HTR4: variants seen among roughly 807,000 people sequenced by gnomAD.
HTR4 encodes the protein 5-hydroxytryptamine (serotonin) receptor 4, G protein-coupled.
A neutral mutation model predicts 36.8 loss-of-function variants in HTR4; 16 were observed. That is an observed-to-expected ratio of 0.43 (90% confidence interval 0.29 to 0.66). The LOEUF (loss-of-function observed/expected upper bound fraction) is 0.66, where lower values mean the gene tolerates loss of function less well. HTR4 is among the 30% of genes least tolerant of loss of function. The pLI, the probability that HTR4 is intolerant of heterozygous loss-of-function variation, is 0.13. For missense variants in HTR4, 438 were observed against 490.9 expected (o/e 0.89, Z 1.02); for synonymous variants, 189 against 185.1 (o/e 1.02, Z -0.17).
intron 6 of HTR4, among the ~76,000 whole-genome samples, chr5:148,506,819 A>G (rs1339336266): frequency 1.3e-5 from 2 of 152,224 alleles, no homozygotes; most frequent in African/African-American, 4.8e-5. Flanking sequence ...CAAAACCACA[A>G]TGAGATACCA....
chr5:148,509,882 A>G lies in HTR4; in HGVS notation c.650T>C (p.Val217Ala). 3.1e-6 allele frequency: 5 copies of G among 1,614,058 alleles called. No homozygotes were observed. The highest frequency in any genetic ancestry group is 4.2e-6 in the Non-Finnish European group (5 of 1,180,000). Reference sequence around the variant, plus strand: ...CTGATGGGCATGCTCCTTAGCTGTGACATAGATGCGGTAATAGGCCAGCAC... The same window carrying G: ...CTGATGGGCATGCTCCTTAGCTGTGGCATAGATGCGGTAATAGGCCAGCAC... ...LMVLAYYRIY[V>A]TAKEHAHQIQ... is the part of the protein sequence containing the mutation. The change falls in exon 6 of 7, where the codon GTC becomes GCC. Residue 217 changes from valine (V) to alanine (A), a missense_variant. By Grantham distance (64) the Val-to-Ala change is moderately conservative. Transcript: ENST00000377888.
At chr5:148,526,252 A>G (rs542920127) in intron 4 of HTR4, among the ~76,000 whole-genome samples, 12 of 152,320 alleles carry the variant, frequency 7.9e-5, no homozygotes, top group African/African-American at 2.6e-4. Context: ...AAAGTATACC[A>G]CTTCACACAG....
downstream of HTR4, among the ~76,000 whole-genome samples, chr5:148,475,936 A>G (rs1755683506): frequency 6.6e-6 from 1 of 152,222 alleles, no homozygotes; most frequent in African/African-American, 2.4e-5. Context: ...TGTGTCACAC[A>G]TTCAGTAACT....
At chr5:148,463,173 T>TC (rs1554085208) in intron 5 of HTR4, among the ~76,000 whole-genome samples, 3 of 122,290 alleles carry the variant, frequency 2.5e-5, no homozygotes, top group Admixed American at 1.6e-4. Context: ...TTCTTTTTTT[T>TC]TTTTTTTTTT....
At chr5:148,521,769 C>G (rs1758032447) in intron 5 of HTR4, among the ~76,000 whole-genome samples, 1 of 152,044 alleles carries the variant, frequency 6.6e-6, no homozygotes, top group Non-Finnish European at 1.5e-5. Flanking sequence ...CCATTGAGAA[C>G]CAATGGATCT....
At position 148,624,408 on chromosome 5, in the gene HTR4, C is replaced by T. The variant is rs138123135; in HGVS notation, c.26+12581G>A. 1.7e-3 allele frequency among the ~76,000 whole-genome samples: 257 copies of T among 152,198 alleles called. 1 individual carries two copies. The highest frequency in any genetic ancestry group is 5.6e-3 in the African/African-American group (233 of 41,526). On this transcript the variant is annotated intron_variant, in intron 2 of 6. Coordinates refer to ENST00000377888, the MANE Select transcript of HTR4 (RefSeq NM_000870.7). ...CCCTTCATAGAGTGGTCATATGGAG[C>T]GCATGAGAAAATACTTGTGAAGAGT... is the stretch of plus-strand genomic sequence containing the variant.
chr5:148,625,417 A>G (rs1024317089), intron 2 of HTR4, among the ~76,000 whole-genome samples: 2 of 152,184 alleles, frequency 1.3e-5, no homozygotes, highest in Admixed American at 1.3e-4. Context: ...ATCAAATATG[A>G]TTTGTAGCTT....
At chr5:148,615,300 A>C (rs1752616783) in intron 2 of HTR4, among the ~76,000 whole-genome samples, 1 of 152,110 alleles carries the variant, frequency 6.6e-6, no homozygotes, top group Admixed American at 6.5e-5. Context: ...ACATTGATAG[A>C]CTGGATTAAG....
chr5:148,650,677 C>T (rs1754009021), intron 1 of HTR4, among the ~76,000 whole-genome samples: 1 of 152,146 alleles, frequency 6.6e-6, no homozygotes, highest in Admixed American at 6.5e-5. Context: ...GTTCCTTCCT[C>T]CATCCTTCCT....
intron 2 of HTR4, among the ~76,000 whole-genome samples, chr5:148,592,193 G>C (rs1761599792): frequency 6.6e-6 from 1 of 152,088 alleles, no homozygotes; most frequent in Admixed American, 6.6e-5. Flanking sequence ...AACTACTTAT[G>C]AATACAAAGA....
At chr5:148,644,423 T>TTG in intron 1 of HTR4, among the ~76,000 whole-genome samples, 1 of 39,140 alleles carries the variant, frequency 2.6e-5, no homozygotes, top group African/African-American at 1.6e-4. Context: ...AGCTCACAAG[T>TTG]TTTTTTTTTT....
intron 2 of HTR4, among the ~76,000 whole-genome samples, chr5:148,603,507 A>T (rs1182216866): frequency 6.6e-6 from 1 of 152,046 alleles, no homozygotes; most frequent in Admixed American, 6.5e-5. Flanking sequence ...CTTCTATTCA[A>T]CAGTGTGCTG....
chr5:148,518,284 T>C (rs1757854913), intron 5 of HTR4, among the ~76,000 whole-genome samples: 1 of 152,200 alleles, frequency 6.6e-6, no homozygotes, highest in African/African-American at 2.4e-5. Context: ...TGCCTCTCTT[T>C]GTTAGAATAT....
intron 2 of HTR4, among the ~76,000 whole-genome samples, chr5:148,594,010 T>C (rs957623082): frequency 3.3e-5 from 5 of 152,200 alleles, no homozygotes; most frequent in African/African-American, 1.2e-4. Flanking sequence ...TTGTTATTCT[T>C]TATTATACGT....
At chr5:148,469,325 A>G (rs1476399874) in intron 5 of HTR4, among the ~76,000 whole-genome samples, 2 of 152,216 alleles carry the variant, frequency 1.3e-5, no homozygotes, top group Non-Finnish European at 2.9e-5. Flanking sequence ...AGCTCACTCT[A>G]ACGCTGTACC....
In HTR4 at chr5:148,481,808, G is replaced by C; in HGVS notation, c.*1395C>G. 7.4e-7 allele frequency: 1 copy of C among 1,352,988 alleles called. No individual in the cohort carries two copies. Among genetic ancestry groups the C allele is most frequent in the Admixed American group, 3.4e-5 (1 of 29,746 alleles). The allele number at this position is 1,352,988 out of a possible 1,614,324, so 83.8% of individuals were successfully genotyped here. A position where few individuals can be genotyped will look rare whatever the true frequency, so the allele number is the denominator to read the frequency against. ...GACTTCTGCTATGGGGCATTCGCAA[G>C]AGCCACTGACTCAGCTTTGAATAAA... On this transcript the variant is annotated 3_prime_UTR_variant, in exon 7 of 7. Transcript: ENST00000377888.
intron 6 of HTR4, among the ~76,000 whole-genome samples, chr5:148,496,195 T>C (rs916639823): frequency 6.6e-6 from 1 of 152,120 alleles, no homozygotes; most frequent in Non-Finnish European, 1.5e-5. Context: ...ACAATTCTGA[T>C]CCACAAAAGT....
chr5:148,619,713 T>C (rs1581556281), intron 2 of HTR4, among the ~76,000 whole-genome samples: 1 of 152,118 alleles, frequency 6.6e-6, no homozygotes, highest in East Asian at 1.9e-4. Context: ...TTGTGTGTGA[T>C]TTGCCTGGTC....
intron 5 of HTR4, among the ~76,000 whole-genome samples, chr5:148,454,335 T>A (rs1022663038): frequency 3.3e-5 from 5 of 152,116 alleles, no homozygotes; most frequent in African/African-American, 7.2e-5. Context: ...CTAAAATTAT[T>A]TTTTTTACTT....
Sources: gnomAD v4.1 joint callset for allele counts (sites outside exome capture counted in the v4.1 genomes callset) on GRCh38, gnomAD v4.1.1 for gene constraint, MANE v1.5 for transcripts, NCBI Gene and HGNC (gene_info 2026-07-23, HGNC 2026-07-21) for gene names.